SCD: variants seen among roughly 807,000 people sequenced by gnomAD.
The protein encoded by SCD is acyl-CoA desaturase.
A neutral mutation model predicts 35.7 loss-of-function variants in SCD; 4 were observed. The observed-to-expected ratio is 0.11, with a 90% confidence interval of 0.06 to 0.26. SCD has a LOEUF of 0.26. Among genes scored for constraint, SCD ranks in the 10% least tolerant of loss-of-function variants. The pLI, the probability that SCD is intolerant of heterozygous loss-of-function variation, is 1.00. For missense variants in SCD, 282 were observed against 460.7 expected, an observed-to-expected ratio of 0.61 and a Z score of 3.55; for synonymous variants, 150 against 170.2, an observed-to-expected ratio of 0.88 and a Z score of 0.92.
intron 5 of SCD, among the ~76,000 whole-genome samples, chr10:100,360,222 A>G (rs2133597679): frequency 6.6e-6 from 1 of 152,374 alleles, no homozygotes; most frequent in Non-Finnish European, 1.5e-5. Flanking sequence ...AGTCATAGCC[A>G]GAGTGCTTCA....
At position 100,363,188 on chromosome 10, in the gene SCD, A is replaced by G. The variant is rs200044525; in HGVS notation, c.*2255A>G. ...TTCAGCAAACTAACCAGCATTCCCT[A>G]CAGCCTAGGGCAGACAATAGTATAG... On this transcript the variant is annotated 3_prime_UTR_variant, in exon 6 of 6. Coordinates refer to ENST00000370355, the MANE Select transcript of SCD (RefSeq NM_005063.5). The G allele has an allele frequency of 6.6e-6, 1 of 152,246 alleles. No individual in the cohort carries two copies. The highest frequency in any genetic ancestry group is 1.5e-5 in the Non-Finnish European group (1 of 68,066). The allele number at this position is 152,246 out of a possible 1,614,324, so 9.4% of individuals were successfully genotyped here.
intron 5 of SCD, among the ~76,000 whole-genome samples, chr10:100,357,450 G>T (rs599961): frequency 0.031 from 4,748 of 152,140 alleles, 156 homozygotes; most frequent in East Asian, 0.12. Context: ...ATAACTGCTG[G>T]TGGCCCTTTA....
intron 5 of SCD, among the ~76,000 whole-genome samples, chr10:100,360,375 TCTC>T (rs1327625823): frequency 1.3e-5 from 2 of 152,094 alleles, no homozygotes; most frequent in Non-Finnish European, 2.9e-5. Context: ...AACTGTCAGT[TCTC>T]CTCCCACAAG....
At chr10:100,347,990 G>T (rs1849820243) in intron 1 of SCD, 74 bp from the exon 2 acceptor site, 1 of 1,451,984 alleles carries the variant, frequency 6.9e-7, no homozygotes, top group Admixed American at 1.8e-5. Context: ...CCCCCAGCGT[G>T]ATTAGAGAGC....
chr10:100,355,985 C>T (rs1196458552), intron 4 of SCD, among the ~76,000 whole-genome samples: 1 of 152,166 alleles, frequency 6.6e-6, no homozygotes, highest in Non-Finnish European at 1.5e-5. Flanking sequence ...AGCCCAAAGG[C>T]AGATGGGAAA....
intron 4 of SCD, among the ~76,000 whole-genome samples, chr10:100,355,067 ACTACAGGCACACACCGCCATGCCTGG>A (rs1423250976): frequency 1.3e-5 from 2 of 152,178 alleles, no homozygotes; most frequent in African/African-American, 4.8e-5. Context: ...AGTATCTGGG[ACTACAGGCACACACCGCCATGCCTGG>A]CTAATTTTTT....
intron 5 of SCD, among the ~76,000 whole-genome samples, chr10:100,358,969 A>ACTTTCTTT (rs1849961224): frequency 2.6e-5 from 4 of 152,072 alleles, no homozygotes; most frequent in Non-Finnish European, 2.9e-5. Context: ...TCTCTTTTTA[A>ACTTTCTTT]CTTTCACATA....
chr10:100,359,934 A>C lies in SCD; in HGVS notation c.881-800A>C, dbSNP rs1441447609. 2.0e-5 allele frequency among the ~76,000 whole-genome samples: 3 copies of C among 152,338 alleles called. 1 individual carries two copies. Among genetic ancestry groups the C allele is most frequent in the Non-Finnish European group, 4.4e-5 (3 of 68,032 alleles). ...TTGTTTTCCTCCCTCCAGCAAAGTG[A>C]AATGTTCATCCCAAGAGTCCTCAAA... On this transcript the variant is annotated intron_variant, in intron 5 of 5. Transcript: ENST00000370355.
chr10:100,350,323 T>C (rs948452519), intron 2 of SCD, among the ~76,000 whole-genome samples: 1 of 152,076 alleles, frequency 6.6e-6, no homozygotes, highest in Non-Finnish European at 1.5e-5. Context: ...GAGCTTCACC[T>C]TTCTTGTTTT....
Position 100,348,414 on chromosome 10 carries a change from T to A in SCD, c.310+68T>A, listed in dbSNP as rs1360944491. On this transcript the variant is annotated intron_variant, in intron 2 of 5. Transcript: ENST00000370355. ...TCACTGCTCTTTTAATAAGGTAGGATCTTACAGAGGACACCAGCCCCTCCC... is the reference window on the plus strand; with the variant it reads ...TCACTGCTCTTTTAATAAGGTAGGAACTTACAGAGGACACCAGCCCCTCCC... The A allele has an allele frequency of 4.0e-6, 6 of 1,488,634 alleles. No individual in the cohort carries two copies. The Admixed American group carries it at 7.5e-5, about 19-fold the overall frequency. The allele number at this position is 1,488,634 out of a possible 1,614,324, so 92.2% of individuals were successfully genotyped here.
intron 2 of SCD, among the ~76,000 whole-genome samples, chr10:100,350,255 G>A (rs559773819): frequency 1.3e-5 from 2 of 152,232 alleles, no homozygotes; most frequent in African/African-American, 2.4e-5. Flanking sequence ...GGAGGGTGAG[G>A]GGAGGAGGGT....
In SCD at chr10:100,364,571, CTGAA is replaced by C. The variant is rs1194359182; in HGVS notation, c.*3644_*3647del. On this transcript the variant is annotated 3_prime_UTR_variant, in exon 6 of 6. Transcript: ENST00000370355. ...TTAGTCTATATGGTTCTCCAAGAAACTGAATGAATCCATTGGAGAAGCGGTGGAT... is the reference window on the plus strand; with the variant it reads ...TTAGTCTATATGGTTCTCCAAGAAACTGAATCCATTGGAGAAGCGGTGGAT... 1 of 152,538 alleles carries C rather than the reference CTGAA, an allele frequency of 6.6e-6. No homozygotes were observed. The highest frequency in any genetic ancestry group is 2.4e-5 in the African/African-American group (1 of 41,412). 9.4% of individuals were successfully genotyped at this position (152,538 alleles called of 1,614,324 possible). A position where few individuals can be genotyped will look rare whatever the true frequency, so the allele number is the denominator to read the frequency against.
rs3793769 is a variant in SCD, at chr10:100,356,257, G to T, written c.648-275G>T. 0.21 allele frequency among the ~76,000 whole-genome samples: 31,533 copies of T among 152,044 alleles called. 4,089 individuals are homozygous for T. Among genetic ancestry groups the T allele is most frequent in the East Asian group, 0.34 (1,773 of 5,164 alleles). On this transcript the variant is annotated intron_variant, in intron 4 of 5. Transcript: ENST00000370355. This position sits in a 1 kb window ranked among gnomAD's most constrained non-coding sequence, Gnocchi z 4.1. Reference sequence around the variant, plus strand: ...ATGGGCACGATGGTTCATGCCTGTGGTCCCAGCTACTCAGGAGGCTGGGGT... The same window carrying T: ...ATGGGCACGATGGTTCATGCCTGTGTTCCCAGCTACTCAGGAGGCTGGGGT...
Position 100,361,031 on chromosome 10 carries a change from A to G in SCD, c.*98A>G, listed in dbSNP as rs1191699819. 2 of 1,042,004 alleles carry G rather than the reference A, an allele frequency of 1.9e-6. No homozygotes were observed. Among genetic ancestry groups the G allele is most frequent in the Non-Finnish European group, 2.8e-6 (2 of 711,664 alleles). 64.5% of individuals were successfully genotyped at this position (1,042,004 alleles called of 1,614,324 possible). A position where few individuals can be genotyped will look rare whatever the true frequency, so the allele number is the denominator to read the frequency against. ...GAATAATGCTACCAGGATGCTAAAG[A>G]TGATGATGTTAACCCATTCCAGTAC... is the stretch of plus-strand genomic sequence containing the variant. On this transcript the variant is annotated 3_prime_UTR_variant, in exon 6 of 6. Coordinates refer to ENST00000370355, the MANE Select transcript of SCD (RefSeq NM_005063.5).
In SCD at chr10:100,352,215, G is replaced by T; in HGVS notation, c.311-151G>T. On this transcript the variant is annotated intron_variant, in intron 2 of 5. Coordinates refer to ENST00000370355, the MANE Select transcript of SCD (RefSeq NM_005063.5). The surrounding 1 kb of genome is among the most constrained non-coding windows in gnomAD (Gnocchi z 4.2). ...TATTTTTCAAGTGGTAAAATCTAAG[G>T]GATGTGGTTATCCCTAGAGTTCATG... The T allele has an allele frequency of 1.5e-6, 1 of 649,150 alleles. No individual in the cohort carries two copies. Among genetic ancestry groups the T allele is most frequent in the Non-Finnish European group, 2.6e-6 (1 of 388,556 alleles). 40.2% of individuals were successfully genotyped at this position (649,150 alleles called of 1,614,324 possible).
chr10:100,352,227 C>G lies in SCD; in HGVS notation c.311-139C>G, dbSNP rs1228360968. 1 of 723,722 alleles carries G rather than the reference C, an allele frequency of 1.4e-6. No homozygotes were observed. The highest frequency in any genetic ancestry group is 2.7e-5 in the East Asian group (1 of 36,580). 44.8% of individuals were successfully genotyped at this position (723,722 alleles called of 1,614,324 possible). A position where few individuals can be genotyped will look rare whatever the true frequency, so the allele number is the denominator to read the frequency against. On this transcript the variant is annotated intron_variant, in intron 2 of 5. Transcript: ENST00000370355. This position sits in a 1 kb window ranked among gnomAD's most constrained non-coding sequence, Gnocchi z 4.2. Reference sequence around the variant, plus strand: ...GGTAAAATCTAAGGGATGTGGTTATCCCTAGAGTTCATGGTAAAGCCAGTT... The same window carrying G: ...GGTAAAATCTAAGGGATGTGGTTATGCCTAGAGTTCATGGTAAAGCCAGTT...
Position 100,356,490 on chromosome 10 carries a change from G to T in SCD, c.648-42G>T. The T allele has an allele frequency of 1.4e-6, 2 of 1,435,264 alleles. No individual in the cohort carries two copies. The highest frequency in any genetic ancestry group is 2.0e-6 in the Non-Finnish European group (2 of 1,017,274). The allele number at this position is 1,435,264 out of a possible 1,614,324, so 88.9% of individuals were successfully genotyped here. ...AGTGTGGAAGATCCATGTAGGTGTG[G>T]AGTCCCCCTCCATTGACCTGGTGTC... On this transcript the variant is annotated intron_variant, in intron 4 of 5. Transcript: ENST00000370355. The surrounding 1 kb of genome is among the most constrained non-coding windows in gnomAD (Gnocchi z 4.1).
chr10:100,360,063 G>C (rs1849974231), intron 5 of SCD, among the ~76,000 whole-genome samples: 2 of 152,184 alleles, frequency 1.3e-5, no homozygotes, highest in Admixed American at 6.5e-5. Flanking sequence ...GCAGCCCCTG[G>C]GAACTGCAGT....
intron 2 of SCD, among the ~76,000 whole-genome samples, chr10:100,349,804 C>G (rs1258075468): frequency 6.6e-6 from 1 of 152,134 alleles, no homozygotes; most frequent in Non-Finnish European, 1.5e-5. Flanking sequence ...TCTAGCCCCT[C>G]TGAGGATCCA....
Sources: gnomAD v4.1 joint callset for allele counts (sites outside exome capture counted in the v4.1 genomes callset) on GRCh38, gnomAD v4.1.1 for gene constraint, Gnocchi (gnomAD v3.1) non-coding constraint, MANE v1.5 for transcripts, NCBI Gene and HGNC (gene_info 2026-07-23, HGNC 2026-07-21) for gene names.